The following HS3ST4 variants were observed in gnomAD, a reference collection of about 807,000 sequenced individuals.
HS3ST4 encodes heparan sulfate-glucosamine 3-sulfotransferase 4, also known as heparan sulfate glucosamine 3-O-sulfotransferase 4.
HS3ST4 carries 17 observed loss-of-function variants against 29.2 expected under a neutral mutation model. That is an observed-to-expected ratio of 0.58 (90% CI 0.40 to 0.87). The LOEUF is 0.87. Ranked by LOEUF, HS3ST4 falls within the 40% of genes least tolerant of loss-of-function variation. HS3ST4 has a pLI of 0.00. For missense variants in HS3ST4, 627 were observed against 634.5 expected (o/e 0.99, Z 0.13); for synonymous variants, 314 against 285.7 (o/e 1.10, Z -1.00).
At chr16:26,025,002 A>G (rs189254610) in intron 1 of HS3ST4, among the ~76,000 whole-genome samples, 4 of 152,224 alleles carry the variant, frequency 2.6e-5, no homozygotes, top group Admixed American at 2.6e-4. Flanking sequence ...TTTCATTCTT[A>G]GTAAAGTTAC....
At chr16:25,771,074 C>T (rs1966841329) in intron 1 of HS3ST4, among the ~76,000 whole-genome samples, 1 of 152,004 alleles carries the variant, frequency 6.6e-6, no homozygotes, top group Non-Finnish European at 1.5e-5. Context: ...CTGCACCTAT[C>T]AACCTGTCAT....
At chr16:26,127,277 TC>T in intron 1 of HS3ST4, among the ~76,000 whole-genome samples, 1 of 152,324 alleles carries the variant, frequency 6.6e-6, no homozygotes, top group East Asian at 1.9e-4. Context: ...CTCCCCTTGA[TC>T]TGGACCACAT....
intron 1 of HS3ST4, among the ~76,000 whole-genome samples, chr16:25,949,051 A>AT (rs60809810): frequency 0.8 from 119,665 of 149,960 alleles, 48,018 homozygotes; most frequent in African/African-American, 0.89. Context: ...TTATCTGGTA[A>AT]TTTTTTTTTT....
At chr16:25,878,782 C>G (rs1967861177) in intron 1 of HS3ST4, among the ~76,000 whole-genome samples, 1 of 152,122 alleles carries the variant, frequency 6.6e-6, no homozygotes, top group Non-Finnish European at 1.5e-5. Context: ...AGATAAAGTC[C>G]CAACTTTGTA....
At chr16:25,999,393 T>G (rs1465291631) in intron 1 of HS3ST4, among the ~76,000 whole-genome samples, 1 of 152,166 alleles carries the variant, frequency 6.6e-6, no homozygotes, top group African/African-American at 2.4e-5. Flanking sequence ...TATTTCTCCA[T>G]TTTCATTTCA....
At chr16:26,068,388 AAC>A (rs1555482095) in intron 1 of HS3ST4, among the ~76,000 whole-genome samples, 1 of 152,218 alleles carries the variant, frequency 6.6e-6, no homozygotes, top group Non-Finnish European at 1.5e-5. Flanking sequence ...TAAAAAGTTT[AAC>A]GTAGATCTTA....
At chr16:25,838,974 G>A (rs576404880) in intron 1 of HS3ST4, among the ~76,000 whole-genome samples, 4 of 152,256 alleles carry the variant, frequency 2.6e-5, no homozygotes, top group African/African-American at 9.6e-5. Context: ...TTTGGCCTTT[G>A]GTTAAGGGGA....
intron 1 of HS3ST4, among the ~76,000 whole-genome samples, chr16:25,939,423 C>T (rs770240603): frequency 4.6e-5 from 7 of 151,684 alleles, no homozygotes; most frequent in Non-Finnish European, 7.4e-5. Flanking sequence ...CCACAACCTC[C>T]GCCTCCCAGG....
intron 1 of HS3ST4, among the ~76,000 whole-genome samples, chr16:25,994,451 G>T (rs992087788): frequency 6.6e-6 from 1 of 151,878 alleles, no homozygotes; most frequent in South Asian, 2.1e-4. Flanking sequence ...GTACTGTAAA[G>T]AGCACATAAT....
intron 1 of HS3ST4, among the ~76,000 whole-genome samples, chr16:25,716,453 A>C (rs1966454996): frequency 1.3e-5 from 2 of 152,218 alleles, no homozygotes; most frequent in Admixed American, 6.5e-5. Flanking sequence ...TGTTGGTGAA[A>C]GGGAGAACCT....
At chr16:25,927,937 G>A (rs572728003) in intron 1 of HS3ST4, among the ~76,000 whole-genome samples, 3 of 147,832 alleles carry the variant, frequency 2.0e-5, no homozygotes, top group South Asian at 4.3e-4. Context: ...AGTGGCTCAC[G>A]CCTGTAATCT....
chr16:25,945,177 A>G (rs1439697439), intron 1 of HS3ST4, among the ~76,000 whole-genome samples: 1 of 152,202 alleles, frequency 6.6e-6, no homozygotes, highest in Non-Finnish European at 1.5e-5. Context: ...GCTGCAGAAA[A>G]TGCACAACAC....
chr16:25,775,569 C>T (rs1318610859), intron 1 of HS3ST4, among the ~76,000 whole-genome samples: 2 of 152,192 alleles, frequency 1.3e-5, no homozygotes, highest in Non-Finnish European at 2.9e-5. Flanking sequence ...ACTCCATCCC[C>T]ACCACATGCA....
chr16:25,747,310 A>T (rs549444054), intron 1 of HS3ST4, among the ~76,000 whole-genome samples: 2 of 152,350 alleles, frequency 1.3e-5, no homozygotes, highest in African/African-American at 2.4e-5. Flanking sequence ...AGATAACGCT[A>T]TTTCAGAAGA....
intron 1 of HS3ST4, among the ~76,000 whole-genome samples, chr16:25,916,488 G>T (rs927854445): frequency 2.0e-5 from 3 of 151,618 alleles, no homozygotes; most frequent in African/African-American, 7.3e-5. Flanking sequence ...TCAGCCTACC[G>T]AGTAGCTGGG....
intron 1 of HS3ST4, among the ~76,000 whole-genome samples, chr16:25,761,455 T>C (rs1966788170): frequency 6.6e-6 from 1 of 152,186 alleles, no homozygotes; most frequent in South Asian, 2.1e-4. Context: ...GCAGCTACCA[T>C]CTTGGAGAGC....
chr16:25,894,484 G>T lies in HS3ST4; in HGVS notation c.734+201333G>T, dbSNP rs149947261. On this transcript the variant is annotated intron_variant, in intron 1 of 1. Transcript: ENST00000331351. ...AATACTGTGGCGTCCTGTGGTGTAG[G>T]CCTCTTTTTCTTTCTTTTTTTTTTT... is the stretch of plus-strand genomic sequence containing the variant. Among the ~76,000 whole-genome samples, 150 of 151,486 alleles carry T rather than the reference G, an allele frequency of 9.9e-4. 1 individual carries two copies. Among genetic ancestry groups the T allele is most frequent in the Middle Eastern group, 3.4e-3 (1 of 292 alleles).
chr16:25,914,566 G>A (rs1433134114), intron 1 of HS3ST4, among the ~76,000 whole-genome samples: 1 of 150,190 alleles, frequency 6.7e-6, no homozygotes, highest in African/African-American at 2.5e-5. Context: ...TGTTTATGTG[G>A]TTGGATGTGG....
At chr16:26,010,270 A>G (rs1442467479) in intron 1 of HS3ST4, among the ~76,000 whole-genome samples, 1 of 152,132 alleles carries the variant, frequency 6.6e-6, no homozygotes, top group African/African-American at 2.4e-5. Flanking sequence ...TCGGGCCAAC[A>G]TGGCAAAAGC....
Sources: gnomAD v4.1 joint callset for allele counts (sites outside exome capture counted in the v4.1 genomes callset) on GRCh38, gnomAD v4.1.1 for gene constraint, MANE v1.5 for transcripts, NCBI Gene and HGNC (gene_info 2026-07-23, HGNC 2026-07-21) for gene names.